PRELID3A: variants seen among roughly 807,000 people sequenced by gnomAD.
PRELID3A encodes PRELI domain containing 3A.
In PRELID3A, 27 loss-of-function variants were observed where a neutral mutation model predicts 23.0. That is an observed-to-expected ratio of 1.17 (90% CI 0.87 to 1.62). The LOEUF (loss-of-function observed/expected upper bound fraction) is 1.62. Among genes scored for constraint, PRELID3A ranks in the 40% most tolerant of loss-of-function variants. PRELID3A has a pLI of 0.00. For synonymous variants in PRELID3A, 87 were observed against 86.4 expected, an observed-to-expected ratio of 1.01 and a Z score of -0.04; for missense variants, 231 against 231.4, an observed-to-expected ratio of 1.00 and a Z score of 0.01.
chr18:12,417,670 G>A (rs1291678284), intron 1 of PRELID3A, among the ~76,000 whole-genome samples: 1 of 152,196 alleles, frequency 6.6e-6, no homozygotes, highest in Non-Finnish European at 1.5e-5. Flanking sequence ...AGGCTCTCCT[G>A]GGTGACTGGG....
At chr18:12,429,540 G>GA in intron 6 of PRELID3A, 104 bp downstream of exon 6, 3 of 679,230 alleles carry the variant, frequency 4.4e-6, no homozygotes, top group Non-Finnish European at 7.6e-6. Flanking sequence ...AGCTGCTGGT[G>GA]GCTCTCCAGC....
chr18:12,408,626 G>A (rs1384422935), intron 1 of PRELID3A, among the ~76,000 whole-genome samples: 1 of 152,116 alleles, frequency 6.6e-6, no homozygotes, highest in Non-Finnish European at 1.5e-5. Context: ...TGGAAGTGGA[G>A]GTCATTATCT....
chr18:12,420,529 C>T (rs1461519170), intron 2 of PRELID3A, 36 bp downstream of exon 2: 48 of 1,476,870 alleles, frequency 3.3e-5, no homozygotes, highest in Admixed American at 1.6e-4. Context: ...CGAACGCGCC[C>T]GACTCCCCCA....
intron 1 of PRELID3A, among the ~76,000 whole-genome samples, chr18:12,411,716 AG>A (rs1285759660): frequency 6.6e-6 from 1 of 152,124 alleles, no homozygotes; most frequent in Non-Finnish European, 1.5e-5. Flanking sequence ...AGCTAGGAGC[AG>A]GGAAGAGAAA....
At chr18:12,428,461 G>A (rs530262370) in intron 5 of PRELID3A, among the ~76,000 whole-genome samples, 1 of 152,030 alleles carries the variant, frequency 6.6e-6, no homozygotes, top group Non-Finnish European at 1.5e-5. Flanking sequence ...CTTTTTGGGG[G>A]TCAGAAATGA....
At chr18:12,412,122 CCTCGTGAT>C (rs1230201601) in intron 1 of PRELID3A, among the ~76,000 whole-genome samples, 1 of 151,946 alleles carries the variant, frequency 6.6e-6, no homozygotes, top group African/African-American at 2.4e-5. Context: ...CATCTCCTGA[CCTCGTGAT>C]CCGCCCGCCT....
chr18:12,426,412 G>T (rs1317728051), intron 3 of PRELID3A, among the ~76,000 whole-genome samples: 1 of 151,126 alleles, frequency 6.6e-6, no homozygotes, highest in Non-Finnish European at 1.5e-5. Context: ...AAATTAGCTG[G>T]GCATGGTGGC....
rs767917065 is a variant in PRELID3A, at chr18:12,427,023, C to T, written c.292-18C>T. On this transcript the variant is annotated intron_variant, in intron 3 of 6. Transcript: ENST00000440960. ...AATGCAAGAGAAATACAATCTAAACCTTTTTTTTCTTTTTAAGATCACACT... is the reference window on the plus strand; with the variant it reads ...AATGCAAGAGAAATACAATCTAAACTTTTTTTTTCTTTTTAAGATCACACT... 3 of 1,584,318 alleles carry T rather than the reference C, an allele frequency of 1.9e-6. No homozygotes were observed. The highest frequency in any genetic ancestry group is 4.5e-5 in the East Asian group (2 of 44,690).
chr18:12,428,029 T>C (rs146185748), intron 5 of PRELID3A, among the ~76,000 whole-genome samples: 3 of 152,336 alleles, frequency 2.0e-5, no homozygotes, highest in South Asian at 2.1e-4. Flanking sequence ...TCAGGACTTA[T>C]AGTAGTTTCC....
rs568245739 is a variant in PRELID3A, at chr18:12,419,412, T to C, written c.33-913T>C. Among the ~76,000 whole-genome samples the C allele has an allele frequency of 3.5e-5, 5 of 144,358 alleles. No individual in the cohort carries two copies. The South Asian group carries it at 6.7e-4, about 19-fold the overall frequency. The allele number at this position is 144,358 out of a possible 152,430, so 94.7% of individuals were successfully genotyped here. On this transcript the variant is annotated intron_variant, in intron 1 of 6. Transcript: ENST00000440960. ...GGGAGGCTGAGGCAGGCGGATCACT[T>C]GAGGTCAGGAGTTCCAGACCAGCCT...
chr18:12,432,128 T>C lies in PRELID3A; in HGVS notation c.*1012T>C, dbSNP rs1020061235. ...GTAAAGGCCTCCCGCAAGCTGCCAGTCGGCTCTTTTTCGCAAAGCCTTCCA... is the reference window on the plus strand; with the variant it reads ...GTAAAGGCCTCCCGCAAGCTGCCAGCCGGCTCTTTTTCGCAAAGCCTTCCA... On this transcript the variant is annotated 3_prime_UTR_variant, in exon 7 of 7. Coordinates refer to ENST00000440960, the MANE Select transcript of PRELID3A (RefSeq NM_001142405.2). 6.6e-6 allele frequency: 1 copy of C among 152,254 alleles called. No homozygotes were observed. Among genetic ancestry groups the C allele is most frequent in the Admixed American group, 6.5e-5 (1 of 15,286 alleles). 9.4% of individuals were successfully genotyped at this position (152,254 alleles called of 1,614,324 possible). A position where few individuals can be genotyped will look rare whatever the true frequency, so the allele number is the denominator to read the frequency against.
chr18:12,429,122 G>T (rs546642584), intron 5 of PRELID3A, among the ~76,000 whole-genome samples: 3 of 152,282 alleles, frequency 2.0e-5, no homozygotes, highest in African/African-American at 7.2e-5. Context: ...GAGCTAAGCC[G>T]GGCGCTGGTT....
intron 1 of PRELID3A, among the ~76,000 whole-genome samples, chr18:12,414,196 C>G (rs1409917105): frequency 6.6e-6 from 1 of 151,878 alleles, no homozygotes; most frequent in East Asian, 1.9e-4. Flanking sequence ...CTTCTGTTCC[C>G]TCACACAGAA....
chr18:12,422,345 T>G (rs2030211946), intron 3 of PRELID3A: 1 of 144,448 alleles, frequency 6.9e-6, no homozygotes, highest in Non-Finnish European at 1.5e-5. Flanking sequence ...ACTACAGGTG[T>G]GTACCACCAA....
intron 3 of PRELID3A, among the ~76,000 whole-genome samples, chr18:12,426,515 C>T (rs1437270177): frequency 8.2e-6 from 1 of 122,172 alleles, no homozygotes; most frequent in Non-Finnish European, 1.6e-5. Context: ...GATCGCGCCA[C>T]TGCACTCCAG....
chr18:12,418,591 C>A (rs1395042278), intron 1 of PRELID3A, among the ~76,000 whole-genome samples: 1 of 152,220 alleles, frequency 6.6e-6, no homozygotes, highest in Non-Finnish European at 1.5e-5. Context: ...GCTGGACAAA[C>A]CTCTCTGGGC....
intron 1 of PRELID3A, among the ~76,000 whole-genome samples, chr18:12,412,680 T>C (rs1371989346): frequency 3.3e-5 from 5 of 152,204 alleles, no homozygotes; most frequent in Non-Finnish European, 7.3e-5. Flanking sequence ...TCCCACTCAA[T>C]CAAGGGCCCA....
At chr18:12,425,842 AAGT>A (rs1568165479) in intron 3 of PRELID3A, among the ~76,000 whole-genome samples, 1 of 152,022 alleles carries the variant, frequency 6.6e-6, no homozygotes, top group Non-Finnish European at 1.5e-5. Context: ...CAGGAGGCTG[AAGT>A]GAGAGGATCA....
At chr18:12,418,249 A>T (rs185995107) in intron 1 of PRELID3A, among the ~76,000 whole-genome samples, 1 of 152,348 alleles carries the variant, frequency 6.6e-6, no homozygotes, top group Non-Finnish European at 1.5e-5. Flanking sequence ...CACTACTGTT[A>T]TAATTTATCG....
Sources: allele counts gnomAD v4.1 joint callset (sites outside exome capture counted in the v4.1 genomes callset), GRCh38; gene constraint gnomAD v4.1.1; transcripts MANE v1.5; gene names NCBI Gene and HGNC (gene_info 2026-07-23, HGNC 2026-07-21).